Variants in ACVR1C observed in about 807,000 individuals in gnomAD.
ACVR1C encodes activin A receptor type 1C.
In ACVR1C, 23 loss-of-function variants were observed where a neutral mutation model predicts 57.9. That is an observed-to-expected ratio of 0.40 (90% CI 0.29 to 0.56). The LOEUF (loss-of-function observed/expected upper bound fraction) is 0.56, where lower values mean the gene tolerates loss of function less well. Ranked by LOEUF, ACVR1C falls within the 20% of genes least tolerant of loss-of-function variation. ACVR1C has a pLI of 0.50. For missense variants in ACVR1C, 480 were observed against 607.9 expected, an observed-to-expected ratio of 0.79 and a Z score of 2.21; for synonymous variants, 214 against 215.3, an observed-to-expected ratio of 0.99 and a Z score of 0.05.
At chr2:157,595,408 T>C (rs1278483189) in intron 1 of ACVR1C, among the ~76,000 whole-genome samples, 2 of 152,218 alleles carry the variant, frequency 1.3e-5, no homozygotes, top group African/African-American at 2.4e-5. Context: ...GTTTAGACTT[T>C]GCAGCCATGT....
chr2:157,616,923 G>T (rs1573958227), intron 1 of ACVR1C, among the ~76,000 whole-genome samples: 1 of 147,636 alleles, frequency 6.8e-6, no homozygotes, highest in African/African-American at 2.5e-5. Flanking sequence ...AGGAACAGAA[G>T]AATAATAAAA....
intron 2 of ACVR1C, among the ~76,000 whole-genome samples, chr2:157,581,227 A>G (rs568787470): frequency 1.3e-5 from 2 of 152,332 alleles, no homozygotes; most frequent in African/African-American, 4.8e-5. Flanking sequence ...TCATTAAAAA[A>G]CACAAGGAAA....
At chr2:157,613,395 T>G (rs1437816284) in intron 1 of ACVR1C, among the ~76,000 whole-genome samples, 1 of 152,248 alleles carries the variant, frequency 6.6e-6, no homozygotes, top group African/African-American at 2.4e-5. Flanking sequence ...GTTTTAATAC[T>G]GTATTGGTTT....
chr2:157,529,127 G>C lies in ACVR1C; in HGVS notation c.*4791C>G, dbSNP rs987325764. ...CCCACTGGACATAGTCCCAAATTCAGCTATCAAATCACCTTTCACCCCCAT... is the reference window on the plus strand; with the variant it reads ...CCCACTGGACATAGTCCCAAATTCACCTATCAAATCACCTTTCACCCCCAT... On this transcript the variant is annotated 3_prime_UTR_variant, in exon 9 of 9. Transcript: ENST00000243349. 1.3e-5 allele frequency: 2 copies of C among 152,070 alleles called. No homozygotes were observed. Among genetic ancestry groups the C allele is most frequent in the African/African-American group, 4.8e-5 (2 of 41,416 alleles). The allele number at this position is 152,070 out of a possible 1,614,324, so 9.4% of individuals were successfully genotyped here. A position where few individuals can be genotyped will look rare whatever the true frequency, so the allele number is the denominator to read the frequency against.
At position 157,598,542 on chromosome 2, in the gene ACVR1C, GT is replaced by G. The variant is rs201633186; in HGVS notation, c.74-11126del. ...ATGTTACATTTATTTTCTTTTAATA[GT>G]TTTTTTTTTTTTTTGAGATGGAGTC... On this transcript the variant is annotated intron_variant, in intron 1 of 8. Coordinates refer to ENST00000243349, the MANE Select transcript of ACVR1C (RefSeq NM_145259.3). Among the ~76,000 whole-genome samples, 587 of 140,784 alleles carry G rather than the reference GT, an allele frequency of 4.2e-3. 2 individuals are homozygous for G. Among genetic ancestry groups the G allele is most frequent in the Middle Eastern group, 0.011 (3 of 276 alleles). 92.4% of individuals were successfully genotyped at this position (140,784 alleles called of 152,430 possible).
chr2:157,581,324 C>A (rs977279513), intron 2 of ACVR1C, among the ~76,000 whole-genome samples: 1 of 151,288 alleles, frequency 6.6e-6, no homozygotes, highest in African/African-American at 2.4e-5. Flanking sequence ...ATCAAAGATT[C>A]AAAACTTTGA....
At chr2:157,626,367 C>A (rs1158290106) in intron 1 of ACVR1C, among the ~76,000 whole-genome samples, 1 of 152,226 alleles carries the variant, frequency 6.6e-6, no homozygotes, top group South Asian at 2.1e-4. Context: ...GCAATGGACA[C>A]CCCTAAGGTG....
chr2:157,572,319 A>C (rs1255119447), intron 2 of ACVR1C, among the ~76,000 whole-genome samples: 2 of 149,246 alleles, frequency 1.3e-5, no homozygotes, highest in Non-Finnish European at 3.0e-5. Flanking sequence ...ATACATATGT[A>C]ACTAACCTGC....
chr2:157,556,115 C>A lies in ACVR1C; in HGVS notation c.522G>T (p.Val174=). Reference sequence around the variant, plus strand: ...TACCAGAGCCAGATCCAGAGGCGGTCACATCATAAATCAGATCTTTCAGAG... The same window carrying A: ...TACCAGAGCCAGATCCAGAGGCGGTAACATCATAAATCAGATCTTTCAGAG... The part of the protein sequence containing the change: ...GKTLKDLIYD[V]TASGSGSGLP... The change falls in exon 3 of 9, where the codon GTG becomes GTT. Residue 174 remains valine, a synonymous_variant. Transcript: ENST00000243349. The A allele has an allele frequency of 6.2e-7, 1 of 1,614,026 alleles. No individual in the cohort carries two copies. The highest frequency in any genetic ancestry group is 1.1e-5 in the South Asian group (1 of 91,068).
intron 1 of ACVR1C, among the ~76,000 whole-genome samples, chr2:157,602,671 G>A (rs1383725367): frequency 6.6e-6 from 1 of 151,982 alleles, no homozygotes; most frequent in East Asian, 1.9e-4. Flanking sequence ...CTCCTTTTTA[G>A]TAATATTTAT....
chr2:157,615,177 GC>G (rs1682614815), intron 1 of ACVR1C, among the ~76,000 whole-genome samples: 1 of 151,752 alleles, frequency 6.6e-6, no homozygotes, highest in Non-Finnish European at 1.5e-5. Flanking sequence ...TTTAAGAGAT[GC>G]CCTTGCAGCT....
intron 1 of ACVR1C, among the ~76,000 whole-genome samples, chr2:157,616,476 C>T (rs1270840948): frequency 2.6e-5 from 4 of 152,140 alleles, no homozygotes; most frequent in African/African-American, 7.2e-5. Context: ...TTTTCCACTA[C>T]AGTTTTTAAT....
chr2:157,547,793 C>A (rs1273517031), intron 4 of ACVR1C, among the ~76,000 whole-genome samples: 2 of 151,510 alleles, frequency 1.3e-5, no homozygotes, highest in Non-Finnish European at 2.9e-5. Context: ...ATGGTAGTTT[C>A]TTTTGCTGTG....
rs1558988299 is a variant in ACVR1C, at chr2:157,587,433, C to CA, written c.74-17dup. ...CACTTCAGTCCTGGAAAGAGTAAGG[C>CA]AAAAAGATTTAAAATACAAAAGACA... On this transcript the variant is annotated splice_polypyrimidine_tract_variant and intron_variant, in intron 1 of 8. Coordinates refer to ENST00000243349, the MANE Select transcript of ACVR1C (RefSeq NM_145259.3). The CA allele has an allele frequency of 6.4e-7, 1 of 1,556,846 alleles. No homozygotes were observed. The highest frequency in any genetic ancestry group is 1.4e-5 in the African/African-American group (1 of 73,184).
intron 1 of ACVR1C, among the ~76,000 whole-genome samples, chr2:157,590,223 A>G (rs543355298): frequency 3.3e-5 from 5 of 152,088 alleles, no homozygotes; most frequent in South Asian, 4.1e-4. Context: ...CTGCCCTCCC[A>G]TAACTATCTA....
At position 157,530,392 on chromosome 2, in the gene ACVR1C, C is replaced by T. The variant is rs939029860; in HGVS notation, c.*3526G>A. The T allele has an allele frequency of 5.3e-5, 8 of 152,228 alleles. No homozygotes were observed. The highest frequency in any genetic ancestry group is 5.2e-4 in the Admixed American group (8 of 15,270). The allele number at this position is 152,228 out of a possible 1,614,324, so 9.4% of individuals were successfully genotyped here. On this transcript the variant is annotated 3_prime_UTR_variant, in exon 9 of 9. Coordinates refer to ENST00000243349, the MANE Select transcript of ACVR1C (RefSeq NM_145259.3). ...CCCTGTTTTCAGACGATTTGCTAAG[C>T]AGGTTCCCTGGTGCTTTTGTGCAGA...
intron 2 of ACVR1C, among the ~76,000 whole-genome samples, chr2:157,579,498 C>G (rs985580140): frequency 2.6e-5 from 4 of 152,126 alleles, no homozygotes; most frequent in African/African-American, 9.7e-5. Flanking sequence ...TGCTAGGTCA[C>G]TTTTTAATGG....
intron 1 of ACVR1C, among the ~76,000 whole-genome samples, chr2:157,597,861 C>G (rs2105136256): frequency 6.6e-6 from 1 of 152,274 alleles, no homozygotes; most frequent in Admixed American, 6.5e-5. Flanking sequence ...TAAAGATCAC[C>G]ATTCTAGCCC....
At chr2:157,582,887 T>C (rs2105252419) in intron 2 of ACVR1C, among the ~76,000 whole-genome samples, 1 of 152,366 alleles carries the variant, frequency 6.6e-6, no homozygotes, top group South Asian at 2.1e-4. Context: ...TTTCTTTCTT[T>C]CTTTTTTTCT....
Sources: allele counts gnomAD v4.1 joint callset (sites outside exome capture counted in the v4.1 genomes callset), GRCh38; gene constraint gnomAD v4.1.1; transcripts MANE v1.5; gene names NCBI Gene and HGNC (gene_info 2026-07-23, HGNC 2026-07-21).